The following NBEA variants were observed in gnomAD, a reference collection of about 807,000 sequenced individuals.
NBEA encodes the protein lysosomal-trafficking regulator 2.
A neutral mutation model predicts 343.4 loss-of-function variants in NBEA; 44 were observed. That is an observed-to-expected ratio of 0.13 (90% confidence interval 0.10 to 0.16). The LOEUF (loss-of-function observed/expected upper bound fraction) is 0.16. NBEA is among the 10% of genes least tolerant of loss of function. The probability of loss-of-function intolerance (pLI) is 1.00; values close to 1 mark genes in which losing one functional copy is unlikely to be tolerated. For synonymous variants in NBEA, 1,175 were observed against 1,238.7 expected, an observed-to-expected ratio of 0.95 and a Z score of 1.08; for missense variants, 2,555 against 3,631.3, an observed-to-expected ratio of 0.70 and a Z score of 7.62.
At chr13:35,102,836 T>C (rs2065714310) in intron 11 of NBEA, among the ~76,000 whole-genome samples, 1 of 151,854 alleles carries the variant, frequency 6.6e-6, no homozygotes, top group Admixed American at 6.6e-5. Flanking sequence ...ATGATAGTTT[T>C]GTTTTTTTCC....
At chr13:35,638,316 T>C (rs2083790290) in intron 49 of NBEA, among the ~76,000 whole-genome samples, 1 of 152,198 alleles carries the variant, frequency 6.6e-6, no homozygotes, top group African/African-American at 2.4e-5. Flanking sequence ...AGTTTAATAA[T>C]GGTTCTATTT....
At chr13:35,667,302 T>C (rs2085406382) in intron 56 of NBEA, 72 bp from the exon 57 acceptor site, 3 of 1,310,526 alleles carry the variant, frequency 2.3e-6, no homozygotes, top group Admixed American at 1.9e-5. Flanking sequence ...AGCAAGGTTT[T>C]CAGGTTGGTG....
At chr13:35,025,024 GT>G (rs1262190063) in intron 1 of NBEA, among the ~76,000 whole-genome samples, 1 of 152,002 alleles carries the variant, frequency 6.6e-6, no homozygotes, top group African/African-American at 2.4e-5. Context: ...GGGGTTATTT[GT>G]TTTTTAGTTG....
At chr13:34,981,060 A>T (rs902723920) in intron 1 of NBEA, among the ~76,000 whole-genome samples, 2 of 152,180 alleles carry the variant, frequency 1.3e-5, no homozygotes, top group African/African-American at 2.4e-5. Flanking sequence ...AATAAATAAT[A>T]TGCTAATTTG....
chr13:35,533,544 A>C (rs1303441880), intron 41 of NBEA, among the ~76,000 whole-genome samples: 1 of 152,126 alleles, frequency 6.6e-6, no homozygotes, highest in Non-Finnish European at 1.5e-5. Flanking sequence ...TGAGGATAAG[A>C]ATTTTTTTTA....
chr13:35,346,684 A>G (rs2039898349), intron 36 of NBEA, among the ~76,000 whole-genome samples: 1 of 152,128 alleles, frequency 6.6e-6, no homozygotes, highest in Admixed American at 6.6e-5. Context: ...TAGCTGCTCC[A>G]TGCTTCTAGG....
chr13:35,603,711 G>A (rs1040492164), intron 47 of NBEA, among the ~76,000 whole-genome samples: 5 of 152,162 alleles, frequency 3.3e-5, no homozygotes, highest in Non-Finnish European at 5.9e-5. Flanking sequence ...ACAAATAACT[G>A]ACGAAAGGCA....
rs568155941 is a variant in NBEA at position 35,044,310 on chromosome 13, A to C, written c.527-637A>C. Among the ~76,000 whole-genome samples, 18 of 152,256 alleles carry C rather than the reference A, an allele frequency of 1.2e-4. No individual in the cohort carries two copies. In the South Asian group the frequency reaches 1.5e-3, roughly 12 times the overall value. ...AATGGGAATAAATTATCTGTGCCAC[A>C]ATTTGCTCATTTTAAAAGGGGATAA... On this transcript the variant is annotated intron_variant, in intron 2 of 58. Transcript: ENST00000379939.
intron 41 of NBEA, among the ~76,000 whole-genome samples, chr13:35,528,508 G>T (rs2078093689): frequency 6.6e-6 from 1 of 152,136 alleles, no homozygotes; most frequent in African/African-American, 2.4e-5. Flanking sequence ...TGGGAATAAG[G>T]TTAATATTTT....
chr13:35,351,493 C>T (rs916936218), intron 37 of NBEA, among the ~76,000 whole-genome samples: 5 of 151,838 alleles, frequency 3.3e-5, no homozygotes, highest in Admixed American at 6.6e-5. Context: ...AGATAGCTGA[C>T]ATGACAACTG....
intron 38 of NBEA, among the ~76,000 whole-genome samples, chr13:35,368,206 T>C (rs1407525677): frequency 6.6e-6 from 1 of 151,630 alleles, no homozygotes; most frequent in Admixed American, 6.6e-5. Flanking sequence ...TCAATCTATA[T>C]TAATAATAAA....
intron 41 of NBEA, among the ~76,000 whole-genome samples, chr13:35,538,902 T>C (rs1375576637): frequency 6.6e-6 from 1 of 152,216 alleles, no homozygotes; most frequent in Non-Finnish European, 1.5e-5. Context: ...GTAATAAACA[T>C]GGTACAAAGG....
chr13:35,004,893 A>G (rs1318105264), intron 1 of NBEA, among the ~76,000 whole-genome samples: 1 of 152,234 alleles, frequency 6.6e-6, no homozygotes, highest in East Asian at 1.9e-4. Flanking sequence ...TATGCACATG[A>G]TAGAATAAAA....
chr13:35,068,282 A>G (rs564556194), intron 8 of NBEA, among the ~76,000 whole-genome samples: 1 of 152,296 alleles, frequency 6.6e-6, no homozygotes, highest in African/African-American at 2.4e-5. Flanking sequence ...AAATAAAAAT[A>G]GGTTTTATTA....
At chr13:35,121,600 G>A (rs2066804189) in intron 16 of NBEA, among the ~76,000 whole-genome samples, 1 of 149,744 alleles carries the variant, frequency 6.7e-6, no homozygotes, top group Admixed American at 6.7e-5. Context: ...ACATATTTAT[G>A]AATGTGGGAT....
chr13:35,149,765 T>C (rs2068655991), intron 18 of NBEA, among the ~76,000 whole-genome samples: 1 of 152,214 alleles, frequency 6.6e-6, no homozygotes. Context: ...GTCTGAGTAG[T>C]CAGTGCAACT....
intron 49 of NBEA, among the ~76,000 whole-genome samples, chr13:35,628,954 A>G (rs535640476): frequency 3.9e-5 from 6 of 152,314 alleles, no homozygotes; most frequent in African/African-American, 7.2e-5. Context: ...GAATATTTCT[A>G]CCTTTTAGAC....
intron 1 of NBEA, among the ~76,000 whole-genome samples, chr13:34,964,349 T>TA (rs1266816675): frequency 6.6e-6 from 1 of 152,042 alleles, no homozygotes; most frequent in African/African-American, 2.4e-5. Flanking sequence ...ACTTGGCACA[T>TA]AAATGCTAAT....
At chr13:35,542,593 G>A (rs1053161754) in intron 41 of NBEA, among the ~76,000 whole-genome samples, 6 of 151,896 alleles carry the variant, frequency 4.0e-5, no homozygotes, top group African/African-American at 1.4e-4. Context: ...GTGTAGGAGT[G>A]GTCTATAGCA....
Sources: allele counts gnomAD v4.1 joint callset (sites outside exome capture counted in the v4.1 genomes callset), GRCh38; gene constraint gnomAD v4.1.1; transcripts MANE v1.5; gene names NCBI Gene and HGNC (gene_info 2026-07-23, HGNC 2026-07-21).